Variants in IL1RAPL1 observed in about 807,000 individuals in gnomAD.
IL1RAPL1 encodes the protein interleukin 1 receptor accessory protein like 1.
In IL1RAPL1, 3 loss-of-function variants were observed where a neutral mutation model predicts 48.4. The observed-to-expected ratio is 0.06, with a 90% CI of 0.03 to 0.16. The LOEUF is 0.16. IL1RAPL1 is among the 10% of genes least tolerant of loss of function. IL1RAPL1 has a pLI of 1.00. For missense variants in IL1RAPL1, 349 were observed against 530.6 expected, an observed-to-expected ratio of 0.66 and a Z score of 3.36; for synonymous variants, 185 against 187.7, an observed-to-expected ratio of 0.99 and a Z score of 0.12.
intron 5 of IL1RAPL1, among the ~76,000 whole-genome samples, chrX:29,541,564 G>T (rs1323161202): frequency 9.0e-6 from 1 of 111,572 alleles, no homozygotes; most frequent in Non-Finnish European, 1.9e-5. Flanking sequence ...GATAAAGAAA[G>T]TATAATATAT....
intron 6 of IL1RAPL1, among the ~76,000 whole-genome samples, chrX:29,756,792 T>G (rs1008197884): frequency 7.1e-5 from 8 of 112,203 alleles, no homozygotes; most frequent in African/African-American, 2.6e-4. Context: ...CCCCAGAATG[T>G]TACTTTCTTT....
At chrX:28,902,902 G>A (rs868280675) in intron 2 of IL1RAPL1, among the ~76,000 whole-genome samples, 1 of 110,941 alleles carries the variant, frequency 9.0e-6, no homozygotes, top group Middle Eastern at 4.2e-3. Flanking sequence ...GATTTAGGTT[G>A]TGTGCTTCTT....
At chrX:29,884,100 G>A (rs1932087654) in intron 6 of IL1RAPL1, among the ~76,000 whole-genome samples, 1 of 111,395 alleles carries the variant, frequency 9.0e-6, no homozygotes, top group African/African-American at 3.3e-5. Flanking sequence ...AATGCTCAAG[G>A]ATACTAAAAA....
intron 5 of IL1RAPL1, among the ~76,000 whole-genome samples, chrX:29,430,593 ATGTG>A (rs1190938424): frequency 2.0e-3 from 100 of 50,800 alleles, no homozygotes; most frequent in Non-Finnish European, 3.2e-3. Context: ...ATATATATAT[ATGTG>A]TGTGTGTGTG....
chrX:28,910,011 A>C (rs1368717134), intron 2 of IL1RAPL1, among the ~76,000 whole-genome samples: 1 of 111,846 alleles, frequency 8.9e-6, no homozygotes, highest in African/African-American at 3.2e-5. Context: ...TAGCCAGGCT[A>C]ATATAATCAA....
intron 5 of IL1RAPL1, among the ~76,000 whole-genome samples, chrX:29,405,593 C>G (rs2147693535): frequency 9.5e-6 from 1 of 105,529 alleles, no homozygotes; most frequent in East Asian, 2.9e-4. Flanking sequence ...GTCTCGATCT[C>G]CTGACCTCGT....
At chrX:28,709,536 T>A (rs1333030554) in intron 1 of IL1RAPL1, among the ~76,000 whole-genome samples, 3 of 110,058 alleles carry the variant, frequency 2.7e-5, no homozygotes, top group Non-Finnish European at 5.7e-5. Flanking sequence ...GAAAAAAAAA[T>A]GTTCAGCCTT....
chrX:29,051,871 T>C (rs1927099697), intron 2 of IL1RAPL1, among the ~76,000 whole-genome samples: 1 of 112,443 alleles, frequency 8.9e-6, no homozygotes, highest in Non-Finnish European at 1.9e-5. Context: ...TTGTGATTAA[T>C]TGACTTTTGT....
chrX:28,727,985 G>A (rs1355500414), intron 1 of IL1RAPL1, among the ~76,000 whole-genome samples: 1 of 110,467 alleles, frequency 9.1e-6, no homozygotes, highest in Non-Finnish European at 1.9e-5. Context: ...ACGAGTTAGT[G>A]GGTGCAGCGC....
At chrX:28,814,341 T>TTTTGTGTGTGTGTGTG (rs1555926315) in intron 2 of IL1RAPL1, among the ~76,000 whole-genome samples, 4 of 89,749 alleles carry the variant, frequency 4.5e-5, no homozygotes, top group African/African-American at 1.7e-4. Context: ...ATTTTCAGGT[T>TTTTGTGTGTGTGTGTG]TGTGTGTGTG....
At chrX:28,927,156 A>G (rs932553884) in intron 2 of IL1RAPL1, among the ~76,000 whole-genome samples, 23 of 111,293 alleles carry the variant, frequency 2.1e-4, no homozygotes, top group African/African-American at 7.5e-4. Context: ...CAGCCTCCCA[A>G]AGAACTGGGA....
At chrX:29,337,331 G>A in intron 3 of IL1RAPL1, among the ~76,000 whole-genome samples, 1 of 111,412 alleles carries the variant, frequency 9.0e-6, no homozygotes, top group Non-Finnish European at 1.9e-5. Flanking sequence ...AGCTGACTGT[G>A]GACTATTTTA....
intron 2 of IL1RAPL1, among the ~76,000 whole-genome samples, chrX:28,797,799 C>G (rs767377537): frequency 2.7e-4 from 30 of 111,879 alleles, no homozygotes; most frequent in Middle Eastern, 4.6e-3. Context: ...ATCTTTTCAG[C>G]AATGCCCTAC....
chrX:29,336,911 G>A (rs1057291120), intron 3 of IL1RAPL1, among the ~76,000 whole-genome samples: 3 of 111,198 alleles, frequency 2.7e-5, no homozygotes, highest in African/African-American at 9.8e-5. Flanking sequence ...TGGGGGAGAG[G>A]AGTTCTAGTT....
intron 2 of IL1RAPL1, among the ~76,000 whole-genome samples, chrX:28,849,546 TA>T (rs1438815431): frequency 1.8e-5 from 2 of 112,197 alleles, no homozygotes; most frequent in African/African-American, 6.5e-5. Context: ...AAGTGACATT[TA>T]AAAAGCATAT....
intron 2 of IL1RAPL1, among the ~76,000 whole-genome samples, chrX:29,124,788 A>G (rs1194490930): frequency 2.7e-5 from 3 of 112,040 alleles, no homozygotes; most frequent in Non-Finnish European, 5.6e-5. Context: ...CAGAACTTAC[A>G]GTGACATTAA....
intron 2 of IL1RAPL1, among the ~76,000 whole-genome samples, chrX:28,835,243 C>T (rs1424179178): frequency 8.9e-6 from 1 of 111,891 alleles, no homozygotes; most frequent in Non-Finnish European, 1.9e-5. Flanking sequence ...TGACCCTCAA[C>T]TACTTCCCTT....
intron 1 of IL1RAPL1, among the ~76,000 whole-genome samples, chrX:28,649,249 G>A (rs533470445): frequency 1.8e-5 from 2 of 112,019 alleles, no homozygotes; most frequent in Middle Eastern, 4.6e-3. Flanking sequence ...AAGGGCCTGC[G>A]GCGGTATTTG....
At chrX:29,368,043 G>A (rs1291075947) in intron 3 of IL1RAPL1, among the ~76,000 whole-genome samples, 1 of 110,766 alleles carries the variant, frequency 9.0e-6, no homozygotes, top group Non-Finnish European at 1.9e-5. Flanking sequence ...TTCTGCAATT[G>A]CAGATTCAAC....
Sources: allele counts gnomAD v4.1 joint callset (sites outside exome capture counted in the v4.1 genomes callset), GRCh38; gene constraint gnomAD v4.1.1; transcripts MANE v1.5; gene names NCBI Gene and HGNC (gene_info 2026-07-23, HGNC 2026-07-21).